The following ASTN2 variants were observed in gnomAD, a reference collection of about 807,000 sequenced individuals.
ASTN2 encodes the protein astrotactin-2.
In ASTN2, 54 loss-of-function variants were observed where a neutral mutation model predicts 139.8. The observed-to-expected ratio is 0.39, with a 90% CI of 0.31 to 0.48. The LOEUF (loss-of-function observed/expected upper bound fraction) is 0.48, where lower values mean the gene tolerates loss of function less well. Among genes scored for constraint, ASTN2 ranks in the 20% least tolerant of loss-of-function variants. The probability of loss-of-function intolerance (pLI) is 0.95; values close to 1 mark genes in which losing one functional copy is unlikely to be tolerated. For missense variants in ASTN2, 1,565 were observed against 1,725.1 expected, an observed-to-expected ratio of 0.91 and a Z score of 1.64; for synonymous variants, 756 against 719.5, an observed-to-expected ratio of 1.05 and a Z score of -0.81.
At chr9:117,269,147 T>C (rs113491904) in intron 2 of ASTN2, among the ~76,000 whole-genome samples, 1 of 152,222 alleles carries the variant, frequency 6.6e-6, no homozygotes, top group African/African-American at 2.4e-5. Context: ...CTCCCAGCCA[T>C]GTGTTTCATT....
At chr9:117,321,752 C>T (rs1234953534) in intron 1 of ASTN2, among the ~76,000 whole-genome samples, 1 of 152,128 alleles carries the variant, frequency 6.6e-6, no homozygotes, top group Non-Finnish European at 1.5e-5. Context: ...GAACTATTCA[C>T]ATTTTAAGCC....
chr9:117,392,026 G>T (rs909433567), intron 1 of ASTN2, among the ~76,000 whole-genome samples: 2 of 152,046 alleles, frequency 1.3e-5, no homozygotes, highest in Non-Finnish European at 2.9e-5. Flanking sequence ...CCATAGTCTT[G>T]GGCATTCATT....
At chr9:117,188,423 G>A (rs1831262920) in intron 3 of ASTN2, among the ~76,000 whole-genome samples, 1 of 152,080 alleles carries the variant, frequency 6.6e-6, no homozygotes, top group South Asian at 2.1e-4. Context: ...ATGGGGGTGG[G>A]GTGGAGGAGA....
chr9:116,678,657 G>A lies in ASTN2; in HGVS notation c.2807-26864C>T, dbSNP rs1859650233. ...GGGTTGATCTTGTAAAAAACATTCT[G>A]TGGGTATAAACAAGATGGCTAAGAT... On this transcript the variant is annotated intron_variant, in intron 16 of 22. Coordinates refer to ENST00000313400, the MANE Select transcript of ASTN2 (RefSeq NM_001365068.1). Among the ~76,000 whole-genome samples the A allele has an allele frequency of 2.0e-5, 3 of 152,248 alleles. No individual in the cohort carries two copies. In the South Asian group the frequency reaches 6.2e-4, roughly 32 times the overall value.
intron 19 of ASTN2, among the ~76,000 whole-genome samples, chr9:116,502,729 A>AT (rs1849922799): frequency 4.1e-5 from 1 of 24,210 alleles, no homozygotes; most frequent in South Asian, 9.1e-4. Context: ...GAAGGAAGGA[A>AT]GGAATGAATG....
At chr9:117,406,468 G>A (rs1004939155) in intron 1 of ASTN2, among the ~76,000 whole-genome samples, 3 of 152,024 alleles carry the variant, frequency 2.0e-5, no homozygotes, top group Middle Eastern at 3.2e-3. Context: ...CTTCTCTGAC[G>A]TCTTGTCCTG....
intron 3 of ASTN2, among the ~76,000 whole-genome samples, chr9:117,158,969 C>A (rs1399297874): frequency 1.3e-5 from 2 of 151,916 alleles, no homozygotes; most frequent in Non-Finnish European, 2.9e-5. Flanking sequence ...CTTGGATGTA[C>A]CTGGCCCTCC....
At chr9:116,605,060 A>C (rs1367129498) in intron 19 of ASTN2, among the ~76,000 whole-genome samples, 1 of 151,994 alleles carries the variant, frequency 6.6e-6, no homozygotes, top group East Asian at 1.9e-4. Flanking sequence ...AGAGAGACAG[A>C]GAGCCACCAA....
intron 4 of ASTN2, among the ~76,000 whole-genome samples, chr9:117,118,977 A>C (rs1244929868): frequency 6.6e-6 from 1 of 152,138 alleles, no homozygotes; most frequent in Admixed American, 6.5e-5. Context: ...ATGATGTCAT[A>C]TCTACGTTTA....
intron 5 of ASTN2, among the ~76,000 whole-genome samples, chr9:117,051,529 C>T (rs1410826179): frequency 6.6e-6 from 1 of 152,168 alleles, no homozygotes; most frequent in Non-Finnish European, 1.5e-5. Flanking sequence ...TCTATTCCTA[C>T]AACTATAACC....
chr9:117,175,978 G>T (rs1830906578), intron 3 of ASTN2, among the ~76,000 whole-genome samples: 1 of 151,510 alleles, frequency 6.6e-6, no homozygotes, highest in Non-Finnish European at 1.5e-5. Flanking sequence ...GCCTACTTAT[G>T]TTTTTAAATA....
intron 11 of ASTN2, among the ~76,000 whole-genome samples, chr9:116,823,806 C>T (rs760734286): frequency 3.3e-5 from 5 of 152,190 alleles, no homozygotes; most frequent in Non-Finnish European, 7.3e-5. Context: ...TTCCTAAGTA[C>T]ATGAAGTGGG....
intron 13 of ASTN2, among the ~76,000 whole-genome samples, chr9:116,747,222 T>C (rs1377659232): frequency 6.6e-6 from 1 of 152,230 alleles, no homozygotes; most frequent in African/African-American, 2.4e-5. Context: ...ACTCTTGTTC[T>C]ACTTTTATAG....
At chr9:116,801,585 C>CAAAAAAAAAAAAAAAAAAAA (rs397893932) in intron 13 of ASTN2, among the ~76,000 whole-genome samples, 11 of 60,368 alleles carry the variant, frequency 1.8e-4, no homozygotes, top group East Asian at 1.2e-3. Context: ...GGCTCTGTCT[C>CAAAAAAAAAAAAAAAAAAAA]AAAAAAAAAA....
At chr9:116,664,249 G>T (rs1463872630) in intron 16 of ASTN2, among the ~76,000 whole-genome samples, 2 of 150,180 alleles carry the variant, frequency 1.3e-5, no homozygotes, top group Non-Finnish European at 3.0e-5. Flanking sequence ...AAGGTTTTTT[G>T]TTTTTTTTTA....
chr9:117,307,508 A>G (rs1835032208), intron 1 of ASTN2, among the ~76,000 whole-genome samples: 1 of 152,206 alleles, frequency 6.6e-6, no homozygotes, highest in Admixed American at 6.5e-5. Context: ...AACTTTGACA[A>G]CACAGTGTTC....
At chr9:116,824,449 G>C (rs1831569266) in intron 11 of ASTN2, among the ~76,000 whole-genome samples, 1 of 152,192 alleles carries the variant, frequency 6.6e-6, no homozygotes, top group Non-Finnish European at 1.5e-5. Context: ...GCCCTATGGA[G>C]AGTCTTATGT....
chr9:117,238,488 G>C (rs1425999898), intron 2 of ASTN2, among the ~76,000 whole-genome samples: 2 of 152,218 alleles, frequency 1.3e-5, no homozygotes, highest in African/African-American at 4.8e-5. Flanking sequence ...TGCTGAACCT[G>C]TTATGAATGT....
chr9:116,788,569 C>G (rs1830441995), intron 13 of ASTN2, among the ~76,000 whole-genome samples: 1 of 152,084 alleles, frequency 6.6e-6, no homozygotes, highest in Non-Finnish European at 1.5e-5. Context: ...TGATGACAGT[C>G]AAGTCATCAG....
Sources: allele counts gnomAD v4.1 joint callset (sites outside exome capture counted in the v4.1 genomes callset), GRCh38; gene constraint gnomAD v4.1.1; transcripts MANE v1.5; gene names NCBI Gene and HGNC (gene_info 2026-07-23, HGNC 2026-07-21).